Variants in MORC1 observed in about 807,000 individuals in gnomAD.
MORC1 encodes the protein MORC family CW-type zinc finger protein 1.
A neutral mutation model predicts 134.9 loss-of-function variants in MORC1; 59 were observed. The ratio of observed to expected loss-of-function variants is 0.44; its 90% CI spans 0.35 to 0.54. The LOEUF is 0.54. Ranked by LOEUF, MORC1 falls within the 20% of genes least tolerant of loss-of-function variation. MORC1 has a pLI of 0.00. For synonymous variants in MORC1, 395 were observed against 391.7 expected, an observed-to-expected ratio of 1.01 and a Z score of -0.10; for missense variants, 947 against 1,134.5, an observed-to-expected ratio of 0.83 and a Z score of 2.37.
intron 14 of MORC1, among the ~76,000 whole-genome samples, chr3:109,045,607 T>C (rs1452282386): frequency 6.6e-6 from 1 of 152,196 alleles, no homozygotes; most frequent in African/African-American, 2.4e-5. Flanking sequence ...TGTTTTTCAC[T>C]TCCCAAGGTG....
At chr3:109,004,448 G>T (rs889056989) in intron 20 of MORC1, among the ~76,000 whole-genome samples, 3 of 152,126 alleles carry the variant, frequency 2.0e-5, no homozygotes, top group African/African-American at 7.2e-5. Flanking sequence ...CTAGCACAGG[G>T]TAAATGCCCA....
chr3:109,085,495 G>A (rs935434340), intron 8 of MORC1, among the ~76,000 whole-genome samples: 12 of 152,036 alleles, frequency 7.9e-5, no homozygotes, highest in African/African-American at 2.9e-4. Context: ...AATAGCCAAA[G>A]GTATATGGAA....
chr3:108,996,286 G>GCGCGCACGCACACACACACACACACA, intron 21 of MORC1, among the ~76,000 whole-genome samples: 1 of 146,382 alleles, frequency 6.8e-6, no homozygotes, highest in Non-Finnish European at 1.5e-5. Context: ...GCGCGCGCGC[G>GCGCGCACGCACACACACACACACACA]CACACACACA....
chr3:109,036,505 T>C (rs931526610), intron 14 of MORC1, among the ~76,000 whole-genome samples: 24 of 152,260 alleles, frequency 1.6e-4, no homozygotes, highest in African/African-American at 5.3e-4. Flanking sequence ...TACATGTGCA[T>C]ATAAAATTTA....
chr3:109,021,692 T>G (rs1179721952), intron 17 of MORC1, among the ~76,000 whole-genome samples: 2 of 152,254 alleles, frequency 1.3e-5, no homozygotes, highest in Non-Finnish European at 2.9e-5. Flanking sequence ...GCTGTTCTGA[T>G]GCCCTTTAAT....
At chr3:109,008,987 T>C (rs1291840835) in intron 17 of MORC1, among the ~76,000 whole-genome samples, 1 of 152,160 alleles carries the variant, frequency 6.6e-6, no homozygotes, top group Non-Finnish European at 1.5e-5. Flanking sequence ...AGCCGAATTA[T>C]TTTTACATTG....
chr3:109,067,901 A>G (rs1950234840), intron 9 of MORC1, among the ~76,000 whole-genome samples: 1 of 152,218 alleles, frequency 6.6e-6, no homozygotes, highest in African/African-American at 2.4e-5. Flanking sequence ...TACTCAGGAC[A>G]GTAACTGCAG....
intron 9 of MORC1, among the ~76,000 whole-genome samples, chr3:109,068,893 C>T (rs1178825641): frequency 2.0e-5 from 3 of 152,232 alleles, no homozygotes; most frequent in African/African-American, 7.2e-5. Context: ...CAGTGGCTCA[C>T]GCCTGCAATC....
chr3:109,060,707 C>A (rs1950060747), intron 11 of MORC1, among the ~76,000 whole-genome samples: 1 of 152,130 alleles, frequency 6.6e-6, no homozygotes, highest in Non-Finnish European at 1.5e-5. Context: ...GCTTTGCTCT[C>A]TTCTCTGCCT....
At chr3:109,047,098 A>C (rs1355576478) in intron 14 of MORC1, among the ~76,000 whole-genome samples, 1 of 152,194 alleles carries the variant, frequency 6.6e-6, no homozygotes. Context: ...ATGCATTGTG[A>C]GCTGCTTTAT....
intron 21 of MORC1, among the ~76,000 whole-genome samples, chr3:108,993,510 T>C (rs1178077915): frequency 6.6e-6 from 1 of 152,160 alleles, no homozygotes; most frequent in East Asian, 1.9e-4. Flanking sequence ...TAAGAGGGCT[T>C]CCCGTGAAAT....
intron 27 of MORC1, among the ~76,000 whole-genome samples, chr3:108,962,563 C>T (rs948921692): frequency 1.3e-5 from 2 of 152,098 alleles, no homozygotes; most frequent in African/African-American, 4.8e-5. Context: ...CTTGCATGGC[C>T]CAGGAAGGCT....
At chr3:108,960,436 G>C (rs1236555306) in intron 27 of MORC1, among the ~76,000 whole-genome samples, 1 of 152,166 alleles carries the variant, frequency 6.6e-6, no homozygotes, top group Admixed American at 6.5e-5. Flanking sequence ...ACATGGCTTT[G>C]CAAGTATGAT....
chr3:108,984,344 T>C (rs1947836198), intron 23 of MORC1, among the ~76,000 whole-genome samples: 1 of 152,122 alleles, frequency 6.6e-6, no homozygotes. Context: ...TATAATTACA[T>C]GTATGTATGA....
chr3:109,049,645 C>T (rs1200192549), intron 14 of MORC1, among the ~76,000 whole-genome samples: 1 of 152,096 alleles, frequency 6.6e-6, no homozygotes, highest in Admixed American at 6.5e-5. Flanking sequence ...AAACCACTTA[C>T]TGGAAAAAAT....
At chr3:109,065,717 TA>T (rs1950180734) in intron 9 of MORC1, among the ~76,000 whole-genome samples, 1 of 152,210 alleles carries the variant, frequency 6.6e-6, no homozygotes, top group South Asian at 2.1e-4. Context: ...CACACACTCA[TA>T]TGTTTATTGA....
chr3:108,995,216 A>T (rs1456220000), intron 21 of MORC1, among the ~76,000 whole-genome samples: 1 of 152,226 alleles, frequency 6.6e-6, no homozygotes, highest in East Asian at 1.9e-4. Context: ...ACCACAGGAC[A>T]CTGTTCTTGC....
In MORC1 at chr3:108,979,534, T is replaced by C; in HGVS notation, c.2458A>G (p.Lys820Glu). The C allele has an allele frequency of 6.2e-7, 1 of 1,613,968 alleles. No individual in the cohort carries two copies. The highest frequency in any genetic ancestry group is 8.5e-7 in the Non-Finnish European group (1 of 1,179,940). The change falls in exon 24 of 28, where the codon AAA (lysine) becomes GAA (glutamate). Residue 820 changes from lysine to glutamate, a missense_variant. By Grantham distance (56) the Lys-to-Glu change is moderately conservative. Transcript: ENST00000232603. The stretch of plus-strand genomic sequence containing the variant: ...CTTTACCTTAACTTAGACTTCAGTT[T>C]TCTCACTGTTTCCTTGACAGGTGTG... ...QSTPVKETVR[K>E]LKSKLREILL...
chr3:109,117,234 C>G (rs1054234298), intron 1 of MORC1, among the ~76,000 whole-genome samples: 2 of 151,350 alleles, frequency 1.3e-5, no homozygotes, highest in East Asian at 3.9e-4. Context: ...GGTGGCCTTC[C>G]CTGGCTTTCT....
Sources: allele counts gnomAD v4.1 joint callset (sites outside exome capture counted in the v4.1 genomes callset), GRCh38; gene constraint gnomAD v4.1.1; transcripts MANE v1.5; gene names NCBI Gene and HGNC (gene_info 2026-07-23, HGNC 2026-07-21).